The following MBNL2 variants were observed in gnomAD, a reference collection of about 807,000 sequenced individuals.
The protein encoded by MBNL2 is muscleblind like splicing regulator 2.
MBNL2 carries 17 observed loss-of-function variants against 41.9 expected under a neutral mutation model. That is an observed-to-expected ratio of 0.41 (90% CI 0.28 to 0.61). MBNL2 has a LOEUF of 0.61. Among genes scored for constraint, MBNL2 ranks in the 20% least tolerant of loss-of-function variants. The pLI is 0.35. For synonymous variants in MBNL2, 195 were observed against 182.9 expected (o/e 1.07, Z -0.53); for missense variants, 336 against 505.6 (o/e 0.66, Z 3.22).
At chr13:97,228,763 C>G (rs556425362) in intron 1 of MBNL2, among the ~76,000 whole-genome samples, 7 of 151,958 alleles carry the variant, frequency 4.6e-5, no homozygotes, top group Admixed American at 4.6e-4. Flanking sequence ...CTCCTGACCT[C>G]AGGTAATCCA....
the MBNL2 span, among the ~76,000 whole-genome samples, chr13:97,183,580 C>T: frequency 6.6e-6 from 1 of 152,204 alleles, no homozygotes; most frequent in Non-Finnish European, 1.5e-5. Flanking sequence ...CTCCTAAGCA[C>T]ATAGTGGCCA....
intron 2 of MBNL2, among the ~76,000 whole-genome samples, chr13:97,287,918 G>GTTTTGTTTTGTTTTTTT (rs2054901165): frequency 1.1e-4 from 14 of 124,618 alleles, no homozygotes; most frequent in African/African-American, 4.5e-4. Flanking sequence ...CTAATTTTCT[G>GTTTTGTTTTGTTTTTTT]TTTTTTTTTT....
intron 2 of MBNL2, among the ~76,000 whole-genome samples, chr13:97,286,187 T>C (rs2054398280): frequency 6.6e-6 from 1 of 152,250 alleles, no homozygotes; most frequent in African/African-American, 2.4e-5. Context: ...GGATATTTAT[T>C]TAATGACATC....
At chr13:97,181,866 C>T in the MBNL2 span, among the ~76,000 whole-genome samples, 1 of 152,124 alleles carries the variant, frequency 6.6e-6, no homozygotes, top group Non-Finnish European at 1.5e-5. Context: ...AGCTTTGTTT[C>T]CTGCCCCTGT....
intron 2 of MBNL2, among the ~76,000 whole-genome samples, chr13:97,303,540 G>T (rs2057844010): frequency 6.6e-6 from 1 of 152,174 alleles, no homozygotes; most frequent in African/African-American, 2.4e-5. Flanking sequence ...TCTCAACCAT[G>T]CAGGCTGCAC....
At chr13:97,266,421 G>A (rs2049816286) in intron 1 of MBNL2, among the ~76,000 whole-genome samples, 1 of 152,196 alleles carries the variant, frequency 6.6e-6, no homozygotes, top group Admixed American at 6.5e-5. Context: ...TGTTTCCCTT[G>A]GTTCACTGAG....
chr13:97,182,778 T>G, the MBNL2 span, among the ~76,000 whole-genome samples: 54 of 152,198 alleles, frequency 3.5e-4, no homozygotes, highest in Non-Finnish European at 6.6e-4. Context: ...TGGTGGTGGT[T>G]GTTATTGCAC....
At chr13:97,365,260 A>G in intron 8 of MBNL2, 89 bp downstream of exon 8, 3 of 880,800 alleles carry the variant, frequency 3.4e-6, no homozygotes, top group Non-Finnish European at 3.9e-6. Context: ...TAGAAATGCT[A>G]TAGGAAATAG....
At chr13:97,201,916 T>A in the MBNL2 span, among the ~76,000 whole-genome samples, 3 of 152,204 alleles carry the variant, frequency 2.0e-5, no homozygotes, top group Admixed American at 6.6e-5. Flanking sequence ...GGAATACAAA[T>A]GATGTGATTA....
intron 1 of MBNL2, among the ~76,000 whole-genome samples, chr13:97,252,101 C>T (rs1300046958): frequency 1.3e-5 from 2 of 151,808 alleles, no homozygotes; most frequent in Non-Finnish European, 2.9e-5. Flanking sequence ...CCACCCGCCT[C>T]GGCCTCCCAA....
the MBNL2 span, among the ~76,000 whole-genome samples, chr13:97,175,946 C>T: frequency 6.6e-6 from 1 of 152,148 alleles, no homozygotes; most frequent in African/African-American, 2.4e-5. Context: ...ATGGGTATAT[C>T]TGGATGGATG....
the MBNL2 span, among the ~76,000 whole-genome samples, chr13:97,202,400 C>A: frequency 6.6e-6 from 1 of 152,088 alleles, no homozygotes; most frequent in African/African-American, 2.4e-5. Flanking sequence ...TCGGATCTGC[C>A]AATTACCGGT....
intron 5 of MBNL2, among the ~76,000 whole-genome samples, chr13:97,354,412 A>G (rs74321436): frequency 0.016 from 2,433 of 152,320 alleles, 63 homozygotes; most frequent in African/African-American, 0.048. Context: ...CTGCTTCACA[A>G]TGCGAGATGA....
chr13:97,175,346 A>G, the MBNL2 span, among the ~76,000 whole-genome samples: 3 of 152,238 alleles, frequency 2.0e-5, no homozygotes, highest in Admixed American at 2.0e-4. Context: ...CTCTTATACA[A>G]CGAATCCTGA....
chr13:97,393,421 T>C lies in MBNL2; in HGVS notation c.*1972T>C, dbSNP rs1243038587. ...TTTTTCTTTTGTTTCATGATTTTGA[T>C]TTTTAAAATTATTAGCACACAACTA... On this transcript the variant is annotated 3_prime_UTR_variant, in exon 9 of 9. Transcript: ENST00000679496. 3 of 152,418 alleles carry C rather than the reference T, an allele frequency of 2.0e-5. No individual in the cohort carries two copies. Among genetic ancestry groups the C allele is most frequent in the African/African-American group, 4.8e-5 (2 of 41,450 alleles). The allele number at this position is 152,418 out of a possible 1,614,324, so 9.4% of individuals were successfully genotyped here. A position where few individuals can be genotyped will look rare whatever the true frequency, so the allele number is the denominator to read the frequency against.
chr13:97,365,190 T>A lies in MBNL2; in HGVS notation c.1048+19T>A. ...AGTATTGGTAGGTTTCAACCTTTTTTATTTGTCTTTTATATGATGTACAAT... is the reference window on the plus strand; with the variant it reads ...AGTATTGGTAGGTTTCAACCTTTTTAATTTGTCTTTTATATGATGTACAAT... On this transcript the variant is annotated intron_variant, in intron 8 of 8. Transcript: ENST00000679496. 6.4e-7 allele frequency: 1 copy of A among 1,557,690 alleles called. No individual in the cohort carries two copies. Among genetic ancestry groups the A allele is most frequent in the Non-Finnish European group, 8.9e-7 (1 of 1,128,648 alleles).
At chr13:97,173,262 T>C in the MBNL2 span, among the ~76,000 whole-genome samples, 1 of 152,144 alleles carries the variant, frequency 6.6e-6, no homozygotes. Context: ...GAATTGGAAG[T>C]TACTTAGAAA....
intron 8 of MBNL2, among the ~76,000 whole-genome samples, chr13:97,370,587 T>C (rs1226135941): frequency 9.2e-5 from 14 of 151,684 alleles, no homozygotes; most frequent in Non-Finnish European, 1.6e-4. Flanking sequence ...GAGAATTGCT[T>C]GAACCCAGGA....
At chr13:97,236,065 G>A (rs2043219736) in intron 1 of MBNL2, among the ~76,000 whole-genome samples, 1 of 152,160 alleles carries the variant, frequency 6.6e-6, no homozygotes, top group African/African-American at 2.4e-5. Flanking sequence ...GCTCAAAATG[G>A]CATGTCGCTG....
Sources: allele counts gnomAD v4.1 joint callset (sites outside exome capture counted in the v4.1 genomes callset), GRCh38; gene constraint gnomAD v4.1.1; transcripts MANE v1.5; gene names NCBI Gene and HGNC (gene_info 2026-07-23, HGNC 2026-07-21).